CPO: variants seen among roughly 807,000 people sequenced by gnomAD.
CPO encodes carboxypeptidase O.
Under a neutral mutation model 41.2 loss-of-function variants are expected in CPO, and 43 were observed. The ratio of observed to expected loss-of-function variants is 1.04; its 90% CI spans 0.82 to 1.35. The LOEUF (loss-of-function observed/expected upper bound fraction) is 1.35, where lower values mean the gene tolerates loss of function less well. CPO is among the 40% of genes most tolerant of loss of function. The probability of loss-of-function intolerance (pLI) is 0.00; values close to 1 mark genes in which losing one functional copy is unlikely to be tolerated. For synonymous variants in CPO, 178 were observed against 162.7 expected (o/e 1.09, Z -0.72); for missense variants, 408 against 451.7 (o/e 0.90, Z 0.88).
rs772982004 is a variant in CPO, at chr2:206,969,264, G to T, written c.953G>T (p.Gly318Val). 6.2e-7 allele frequency: 1 copy of T among 1,614,122 alleles called. No homozygotes were observed. The highest frequency in any genetic ancestry group is 8.5e-7 in the Non-Finnish European group (1 of 1,180,014). The change falls in exon 9 of 9, where the codon GGG (glycine) becomes GTG (valine). Residue 318 changes from glycine to valine, a missense_variant. By Grantham distance (109) the Gly-to-Val change is moderately radical. Coordinates refer to ENST00000272852, the MANE Select transcript of CPO (RefSeq NM_173077.3). ...TFELRDSGTY[G>V]FVLPEAQIQP... ...GAGCTGAGGGACAGTGGAACATATG[G>T]GTTTGTTCTGCCAGAAGCTCAGATC... is the stretch of plus-strand genomic sequence containing the variant.
chr2:206,944,690 G>A (rs1693109752), intron 1 of CPO, among the ~76,000 whole-genome samples: 1 of 151,676 alleles, frequency 6.6e-6, no homozygotes, highest in African/African-American at 2.4e-5. Flanking sequence ...TTAATTTTGA[G>A]GACAAAGAGC....
chr2:206,954,421 TC>T (rs1186976741), intron 2 of CPO, among the ~76,000 whole-genome samples: 1 of 152,092 alleles, frequency 6.6e-6, no homozygotes, highest in East Asian at 1.9e-4. Flanking sequence ...CACCTTTGCT[TC>T]AGTTCTCAGC....
At chr2:206,953,881 A>C (rs1390775894) in intron 2 of CPO, among the ~76,000 whole-genome samples, 2 of 152,132 alleles carry the variant, frequency 1.3e-5, no homozygotes, top group African/African-American at 4.8e-5. Flanking sequence ...ACTTCTGTGC[A>C]CCTGCAGGCT....
intron 4 of CPO, 142 bp from the exon 5 acceptor site, chr2:206,959,489 A>G (rs1190679001): frequency 3.4e-6 from 2 of 585,188 alleles, no homozygotes; most frequent in East Asian, 5.7e-5. Context: ...AACTACTGTA[A>G]TAAGACACGG....
intron 1 of CPO, among the ~76,000 whole-genome samples, chr2:206,943,400 C>A (rs948248877): frequency 2.0e-5 from 3 of 151,962 alleles, no homozygotes; most frequent in Non-Finnish European, 4.4e-5. Context: ...TTGCTTCATT[C>A]CCTCTCCTCT....
At chr2:206,948,513 C>T (rs748148660) in intron 1 of CPO, among the ~76,000 whole-genome samples, 15 of 152,168 alleles carry the variant, frequency 9.9e-5, no homozygotes, top group Non-Finnish European at 1.9e-4. Flanking sequence ...CTTACAATCC[C>T]AGCACTTTAG....
chr2:206,951,471 A>G (rs1363670347), intron 2 of CPO, among the ~76,000 whole-genome samples: 1 of 152,238 alleles, frequency 6.6e-6, no homozygotes, highest in Non-Finnish European at 1.5e-5. Flanking sequence ...TAAATGCACA[A>G]TTTGCCCTTC....
chr2:206,951,768 A>G (rs1693268816), intron 2 of CPO, among the ~76,000 whole-genome samples: 1 of 152,258 alleles, frequency 6.6e-6, no homozygotes, highest in Non-Finnish European at 1.5e-5. Flanking sequence ...AAACAGAAAT[A>G]GTAGTATCTA....
At chr2:206,966,961 A>G (rs1294610693) in intron 7 of CPO, among the ~76,000 whole-genome samples, 1 of 152,142 alleles carries the variant, frequency 6.6e-6, no homozygotes, top group Non-Finnish European at 1.5e-5. Context: ...GTTCAGCTGG[A>G]CAATACAGAG....
chr2:206,953,390 C>T (rs755493579), intron 2 of CPO, among the ~76,000 whole-genome samples: 31 of 152,216 alleles, frequency 2.0e-4, no homozygotes, highest in Non-Finnish European at 4.3e-4. Flanking sequence ...AACAAAGGGG[C>T]CACAGGCCCC....
chr2:206,948,670 G>A (rs1693193764), intron 1 of CPO, among the ~76,000 whole-genome samples: 1 of 152,166 alleles, frequency 6.6e-6, no homozygotes, highest in Non-Finnish European at 1.5e-5. Flanking sequence ...GCTGAAGTAG[G>A]AGGATATTCT....
At chr2:206,967,337 A>ATC (rs1559075214) in intron 7 of CPO, among the ~76,000 whole-genome samples, 12 of 80,528 alleles carry the variant, frequency 1.5e-4, no homozygotes, top group African/African-American at 5.4e-4. Flanking sequence ...AATGCTATAT[A>ATC]TATATATATA....
intron 2 of CPO, among the ~76,000 whole-genome samples, chr2:206,951,719 G>C (rs929498027): frequency 6.6e-6 from 1 of 152,194 alleles, no homozygotes; most frequent in Admixed American, 6.5e-5. Flanking sequence ...CTTTCACAAA[G>C]ACACTTAAAC....
At position 206,959,829 on chromosome 2, in the gene CPO, T is replaced by TA. The variant is rs371356660; in HGVS notation, c.483+93dup. The TA allele has an allele frequency of 6.9e-4, 422 of 609,702 alleles. 2 individuals are homozygous for TA. In the African/African-American group the frequency reaches 7.3e-3, roughly 11 times the overall value. 37.8% of individuals were successfully genotyped at this position (609,702 alleles called of 1,614,324 possible). A position where few individuals can be genotyped will look rare whatever the true frequency, so the allele number is the denominator to read the frequency against. The stretch of plus-strand genomic sequence containing the variant: ...TTTCCAATGTTATCCATTCCGGCTC[T>TA]AAAAATATTTCATACCTATGTAAAG... On this transcript the variant is annotated intron_variant, in intron 5 of 8. Coordinates refer to ENST00000272852, the MANE Select transcript of CPO (RefSeq NM_173077.3).
In CPO at chr2:206,958,323, C is replaced by A. The variant is rs766185646; in HGVS notation, c.290C>A (p.Pro97His). Residue 97 changes from proline (P) to histidine (H), a missense_variant, in exon 4 of 9, where the codon CCC becomes CAC. Pro to His is a moderately conservative substitution (Grantham distance 77). Transcript: ENST00000272852. ...YLKISQPSGN[P>H]KKIIWMDCGI... ...CAGATCAGCCAACCATCTGGTAATC[C>A]CAAGAAAATCATTTGGATGGACTGT... 24 of 1,595,022 alleles carry A rather than the reference C, an allele frequency of 1.5e-5. No homozygotes were observed. Among genetic ancestry groups the A allele is most frequent in the Non-Finnish European group, 2.0e-5 (23 of 1,170,350 alleles).
At chr2:206,939,767 G>C (rs1559067343) in intron 1 of CPO, 100 bp downstream of exon 1, 3 of 870,102 alleles carry the variant, frequency 3.4e-6, no homozygotes, top group Non-Finnish European at 5.5e-6. Flanking sequence ...CTCCTTCCTT[G>C]CTACTCATAT....
At chr2:206,945,613 G>T (rs1037719805) in intron 1 of CPO, among the ~76,000 whole-genome samples, 41 of 152,166 alleles carry the variant, frequency 2.7e-4, no homozygotes, top group African/African-American at 9.2e-4. Context: ...AATTTACAGA[G>T]TTGTAGTGAG....
intron 1 of CPO, among the ~76,000 whole-genome samples, chr2:206,942,247 G>C (rs2105817282): frequency 6.6e-6 from 1 of 152,076 alleles, no homozygotes; most frequent in South Asian, 2.1e-4. Context: ...AATCTGCCCT[G>C]CATTTAAGAA....
chr2:206,943,486 A>G (rs1693066103), intron 1 of CPO, among the ~76,000 whole-genome samples: 1 of 152,094 alleles, frequency 6.6e-6, no homozygotes, highest in African/African-American at 2.4e-5. Flanking sequence ...TATAGTCCCA[A>G]TCAGAGGTAG....
Sources: gnomAD v4.1 joint callset for allele counts (sites outside exome capture counted in the v4.1 genomes callset) on GRCh38, gnomAD v4.1.1 for gene constraint, MANE v1.5 for transcripts, NCBI Gene and HGNC (gene_info 2026-07-23, HGNC 2026-07-21) for gene names.